The following RAD18 variants were observed in gnomAD, a reference collection of about 807,000 sequenced individuals.
The protein encoded by RAD18 is RAD18 E3 ubiquitin protein ligase, also known as E3 ubiquitin-protein ligase RAD18.
In RAD18, 47 loss-of-function variants were observed where a neutral mutation model predicts 60.4. The ratio of observed to expected loss-of-function variants is 0.78; its 90% CI spans 0.62 to 0.99. The LOEUF is 0.99. Among genes scored for constraint, RAD18 ranks in the 50% least tolerant of loss-of-function variants. The pLI is 0.00. For missense variants in RAD18, 640 were observed against 593.3 expected (o/e 1.08, Z -0.82); for synonymous variants, 225 against 195.5 (o/e 1.15, Z -1.26).
At chr3:8,901,448 C>G (rs1939912073) in intron 10 of RAD18, among the ~76,000 whole-genome samples, 1 of 152,112 alleles carries the variant, frequency 6.6e-6, no homozygotes, top group South Asian at 2.1e-4. Context: ...CTATGGAATA[C>G]TGTTTAATCA....
At chr3:8,938,946 T>A (rs1242323034) in intron 6 of RAD18, among the ~76,000 whole-genome samples, 4 of 152,126 alleles carry the variant, frequency 2.6e-5, no homozygotes, top group Admixed American at 1.3e-4. Context: ...TTACAGTTAT[T>A]TTCATGTACA....
chr3:8,922,430 G>C (rs945584116), intron 7 of RAD18, among the ~76,000 whole-genome samples: 1 of 152,178 alleles, frequency 6.6e-6, no homozygotes, highest in African/African-American at 2.4e-5. Flanking sequence ...AGCTCAAACT[G>C]GGTGGAGCCC....
intron 7 of RAD18, among the ~76,000 whole-genome samples, chr3:8,918,354 G>A (rs544490084): frequency 3.2e-4 from 48 of 148,080 alleles, no homozygotes; most frequent in Admixed American, 1.1e-3. Flanking sequence ...AAATTATATC[G>A]TGATAAAAGG....
intron 7 of RAD18, among the ~76,000 whole-genome samples, chr3:8,915,937 T>C (rs1431612281): frequency 6.6e-6 from 1 of 152,114 alleles, no homozygotes; most frequent in Non-Finnish European, 1.5e-5. Context: ...CCTCAGTCTC[T>C]CTGTAGCTCA....
intron 9 of RAD18, among the ~76,000 whole-genome samples, chr3:8,911,849 T>C (rs1022604454): frequency 6.6e-6 from 1 of 152,182 alleles, no homozygotes; most frequent in South Asian, 2.1e-4. Flanking sequence ...GGGAAAGATA[T>C]ACACGAAGAC....
At chr3:8,933,308 T>TA (rs1940590933) in intron 7 of RAD18, among the ~76,000 whole-genome samples, 1 of 152,050 alleles carries the variant, frequency 6.6e-6, no homozygotes, top group African/African-American at 2.4e-5. Flanking sequence ...CCTGAGGTCT[T>TA]AGAGTAAAAG....
chr3:8,904,792 A>T (rs1474809757), intron 9 of RAD18, among the ~76,000 whole-genome samples: 1 of 152,190 alleles, frequency 6.6e-6, no homozygotes, highest in African/African-American at 2.4e-5. Flanking sequence ...GGTCTAAGCT[A>T]TTTTCCTACT....
intron 6 of RAD18, 74 bp downstream of exon 6, chr3:8,939,480 C>T: frequency 8.1e-7 from 1 of 1,231,668 alleles, no homozygotes; most frequent in Non-Finnish European, 1.2e-6. Context: ...AAAAGGAATA[C>T]TGTAATTTTC....
chr3:8,952,545 T>C (rs1274976810), intron 2 of RAD18, among the ~76,000 whole-genome samples: 1 of 152,222 alleles, frequency 6.6e-6, no homozygotes, highest in Non-Finnish European at 1.5e-5. Flanking sequence ...GATTCAACAA[T>C]GGCAACAATT....
At chr3:8,931,446 A>G (rs1437699320) in intron 7 of RAD18, 1 of 152,144 alleles carries the variant, frequency 6.6e-6, no homozygotes, top group Admixed American at 6.5e-5. Flanking sequence ...ATGTAATCTC[A>G]CTCAAAATCC....
chr3:8,890,512 A>G, intron 11 of RAD18, 61 bp from the exon 12 acceptor site: 1 of 1,281,176 alleles, frequency 7.8e-7, no homozygotes, highest in Non-Finnish European at 1.1e-6. Flanking sequence ...TCCCATTTAT[A>G]TAAAATTCTA....
At chr3:8,891,177 T>C (rs1284112000) in intron 11 of RAD18, among the ~76,000 whole-genome samples, 1 of 151,540 alleles carries the variant, frequency 6.6e-6, no homozygotes, top group East Asian at 1.9e-4. Flanking sequence ...CCTTTGGGGG[T>C]GATACTGCTC....
chr3:8,934,403 A>T (rs1276637509), intron 7 of RAD18, among the ~76,000 whole-genome samples: 1 of 152,256 alleles, frequency 6.6e-6, no homozygotes, highest in Non-Finnish European at 1.5e-5. Flanking sequence ...AAATAAGAAT[A>T]AAAATAGGCC....
At chr3:8,903,262 A>G (rs1446172933) in intron 9 of RAD18, among the ~76,000 whole-genome samples, 1 of 152,206 alleles carries the variant, frequency 6.6e-6, no homozygotes, top group African/African-American at 2.4e-5. Context: ...AAAGGCTTTT[A>G]CATAATCATA....
At chr3:8,919,174 G>T (rs1237545942) in intron 7 of RAD18, among the ~76,000 whole-genome samples, 1 of 152,076 alleles carries the variant, frequency 6.6e-6, no homozygotes, top group African/African-American at 2.4e-5. Flanking sequence ...CATTTCAAGG[G>T]ATCTGGGAAC....
In RAD18 at chr3:8,909,409, G is replaced by T. The variant is rs529146673; in HGVS notation, c.1027+2903C>A. Among the ~76,000 whole-genome samples the T allele has an allele frequency of 1.0e-3, 154 of 152,178 alleles. 5 individuals are homozygous for T. In the South Asian group the frequency reaches 0.031, roughly 30 times the overall value. Reference sequence around the variant, plus strand: ...TGAGTATTAGGAAGGGGCAAGAGTAGATGGGGGATGACTAGAGAGCAAAGT... The same window carrying T: ...TGAGTATTAGGAAGGGGCAAGAGTATATGGGGGATGACTAGAGAGCAAAGT... On this transcript the variant is annotated intron_variant, in intron 9 of 12. Transcript: ENST00000264926.
chr3:8,893,628 C>T (rs544268360), intron 11 of RAD18, among the ~76,000 whole-genome samples: 3 of 151,952 alleles, frequency 2.0e-5, no homozygotes, highest in African/African-American at 7.2e-5. Flanking sequence ...CGAAAATTAT[C>T]ATGTTCTGAG....
rs45459101 is a variant in RAD18 at position 8,902,241 on chromosome 3, C to T, written c.1168+139G>A. On this transcript the variant is annotated intron_variant, in intron 10 of 12. Coordinates refer to ENST00000264926, the MANE Select transcript of RAD18 (RefSeq NM_020165.4). ...AATAAATCTAGTTTACAAACTGCTA[C>T]ATGAAGTTTGTCTAAAAATACTTTT... The T allele has an allele frequency of 5.7e-3, 4,273 of 750,782 alleles. 122 individuals carry two copies. In the African/African-American group the frequency reaches 0.068, roughly 12 times the overall value. The allele number at this position is 750,782 out of a possible 1,614,324, so 46.5% of individuals were successfully genotyped here.
chr3:8,953,361 T>G (rs1212976842), intron 2 of RAD18, among the ~76,000 whole-genome samples: 1 of 152,132 alleles, frequency 6.6e-6, no homozygotes, highest in Non-Finnish European at 1.5e-5. Flanking sequence ...TTCTGCATAA[T>G]CTTGTATATC....
Sources: allele counts gnomAD v4.1 joint callset (sites outside exome capture counted in the v4.1 genomes callset), GRCh38; gene constraint gnomAD v4.1.1; transcripts MANE v1.5; gene names NCBI Gene and HGNC (gene_info 2026-07-23, HGNC 2026-07-21).